Variants in ARHGAP15 observed in about 807,000 individuals in gnomAD.
ARHGAP15 encodes rho GTPase-activating protein 15.
In ARHGAP15, 51 loss-of-function variants were observed where a neutral mutation model predicts 63.7. The observed-to-expected ratio is 0.80, with a 90% CI of 0.64 to 1.01. The LOEUF (loss-of-function observed/expected upper bound fraction) is 1.01, where lower values mean the gene tolerates loss of function less well. Among genes scored for constraint, ARHGAP15 ranks in the 50% least tolerant of loss-of-function variants. ARHGAP15 has a pLI of 0.00. For synonymous variants in ARHGAP15, 191 were observed against 193.8 expected (o/e 0.99, Z 0.12); for missense variants, 560 against 564.6 (o/e 0.99, Z 0.08).
At chr2:143,315,880 T>G (rs939309029) in intron 6 of ARHGAP15, among the ~76,000 whole-genome samples, 5 of 139,304 alleles carry the variant, frequency 3.6e-5, no homozygotes, top group African/African-American at 1.6e-4. Flanking sequence ...AAGTCAGGAG[T>G]TCAAGATCAG....
chr2:143,299,479 T>C (rs2105146044), intron 6 of ARHGAP15, among the ~76,000 whole-genome samples: 1 of 152,134 alleles, frequency 6.6e-6, no homozygotes, highest in East Asian at 1.9e-4. Context: ...TATTACATTA[T>C]GTAATGTTAC....
At chr2:143,397,570 AAG>A (rs200248321) in intron 6 of ARHGAP15, among the ~76,000 whole-genome samples, 33,736 of 151,672 alleles carry the variant, frequency 0.22, 4,204 homozygotes, top group Admixed American at 0.34. Context: ...AAAAAAAACG[AAG>A]AAGAAATAAA....
intron 3 of ARHGAP15, among the ~76,000 whole-genome samples, chr2:143,214,058 A>G (rs570378804): frequency 6.6e-6 from 1 of 152,256 alleles, no homozygotes; most frequent in African/African-American, 2.4e-5. Flanking sequence ...TTCCTTTCAC[A>G]TTTCCTATCT....
chr2:143,665,826 A>G (rs1435005823), intron 12 of ARHGAP15, among the ~76,000 whole-genome samples: 1 of 150,866 alleles, frequency 6.6e-6, no homozygotes, highest in Non-Finnish European at 1.5e-5. Context: ...CAATTGCTTC[A>G]AAGAGAATAA....
intron 6 of ARHGAP15, among the ~76,000 whole-genome samples, chr2:143,404,409 T>C (rs1460752619): frequency 6.6e-6 from 1 of 151,908 alleles, no homozygotes; most frequent in African/African-American, 2.4e-5. Flanking sequence ...AATGAATAAA[T>C]TGACAGAAAC....
intron 6 of ARHGAP15, among the ~76,000 whole-genome samples, chr2:143,275,362 T>C (rs1355217243): frequency 1.3e-5 from 2 of 152,048 alleles, no homozygotes; most frequent in Non-Finnish European, 2.9e-5. Context: ...TAGCAAAAAA[T>C]GGAAATTAAC....
intron 6 of ARHGAP15, among the ~76,000 whole-genome samples, chr2:143,330,094 C>CAAAAAAAAAAAA (rs1303438123): frequency 3.6e-3 from 6 of 1,672 alleles, no homozygotes; most frequent in Non-Finnish European, 7.0e-3. Flanking sequence ...GGCTCTGTCT[C>CAAAAAAAAAAAA]AAAAAAAAAA....
chr2:143,623,809 A>G (rs776417828), intron 11 of ARHGAP15, among the ~76,000 whole-genome samples: 1 of 152,224 alleles, frequency 6.6e-6, no homozygotes, highest in Non-Finnish European at 1.5e-5. Context: ...AAAACCAAAT[A>G]GCTTTGAATC....
chr2:143,269,973 CT>C (rs919159547), intron 6 of ARHGAP15, among the ~76,000 whole-genome samples: 17 of 151,800 alleles, frequency 1.1e-4, no homozygotes, highest in African/African-American at 1.2e-4. Flanking sequence ...ATCTGTGTTA[CT>C]TTTTTTTGTT....
At chr2:143,145,471 G>A (rs1689544434) in intron 1 of ARHGAP15, among the ~76,000 whole-genome samples, 1 of 151,970 alleles carries the variant, frequency 6.6e-6, no homozygotes, top group Non-Finnish European at 1.5e-5. Flanking sequence ...GTGGATAATT[G>A]AGCTAGACCT....
intron 11 of ARHGAP15, among the ~76,000 whole-genome samples, chr2:143,566,241 G>C (rs1323215188): frequency 6.6e-6 from 1 of 152,200 alleles, no homozygotes; most frequent in Non-Finnish European, 1.5e-5. Flanking sequence ...ACCCACTGGA[G>C]AGGTGGTGGA....
At chr2:143,762,194 G>A (rs1156299421) in intron 13 of ARHGAP15, among the ~76,000 whole-genome samples, 1 of 152,096 alleles carries the variant, frequency 6.6e-6, no homozygotes, top group Non-Finnish European at 1.5e-5. Flanking sequence ...TTAATGATGA[G>A]TCAACATACA....
intron 11 of ARHGAP15, among the ~76,000 whole-genome samples, chr2:143,620,945 T>C (rs911167495): frequency 1.3e-5 from 2 of 152,202 alleles, no homozygotes; most frequent in African/African-American, 4.8e-5. Context: ...TAAGGAAATA[T>C]CAATATGTGT....
chr2:143,575,057 C>T (rs969467331), intron 11 of ARHGAP15, among the ~76,000 whole-genome samples: 2 of 152,026 alleles, frequency 1.3e-5, no homozygotes, highest in Non-Finnish European at 2.9e-5. Flanking sequence ...TGCTAATATC[C>T]GATCACTAAT....
At chr2:143,297,277 A>G (rs949065377) in intron 6 of ARHGAP15, among the ~76,000 whole-genome samples, 3 of 151,974 alleles carry the variant, frequency 2.0e-5, no homozygotes, top group Non-Finnish European at 2.9e-5. Context: ...GAAGCAATTG[A>G]TTGTACTATG....
rs978922901 is a variant in ARHGAP15 at position 143,223,852 on chromosome 2, C to T, written c.297-4729C>T. Among the ~76,000 whole-genome samples the T allele has an allele frequency of 1.2e-4, 19 of 152,286 alleles. No individual in the cohort carries two copies. In the South Asian group the frequency reaches 3.9e-3, roughly 32 times the overall value. ...ATCCCATCTCTATGGCTTGTTTTCC[C>T]TTGGTTAGGATGCAACCTTACTGGG... On this transcript the variant is annotated intron_variant, in intron 4 of 13. Coordinates refer to ENST00000295095, the MANE Select transcript of ARHGAP15 (RefSeq NM_018460.4).
At chr2:143,332,840 T>C (rs891390330) in intron 6 of ARHGAP15, among the ~76,000 whole-genome samples, 1 of 152,142 alleles carries the variant, frequency 6.6e-6, no homozygotes, top group Non-Finnish European at 1.5e-5. Context: ...AGAATAAGTG[T>C]CAAATATTAT....
intron 12 of ARHGAP15, among the ~76,000 whole-genome samples, chr2:143,684,798 A>G (rs1218308999): frequency 6.6e-6 from 1 of 152,194 alleles, no homozygotes; most frequent in African/African-American, 2.4e-5. Context: ...AAGGTGAGGT[A>G]AAAAGAAATA....
chr2:143,342,391 A>G lies in ARHGAP15; in HGVS notation c.474+91791A>G, dbSNP rs982530597. Reference sequence around the variant, plus strand: ...GAAAAAGAAGTGTCTCGAATAGGAAAGATGATTTACTTTTTGTGCTATTAA... The same window carrying G: ...GAAAAAGAAGTGTCTCGAATAGGAAGGATGATTTACTTTTTGTGCTATTAA... On this transcript the variant is annotated intron_variant, in intron 6 of 13. Transcript: ENST00000295095. Among the ~76,000 whole-genome samples the G allele has an allele frequency of 3.3e-5, 5 of 152,232 alleles. No individual in the cohort carries two copies. The East Asian group carries it at 9.6e-4, about 29-fold the overall frequency.
Sources: gnomAD v4.1 joint callset for allele counts (sites outside exome capture counted in the v4.1 genomes callset) on GRCh38, gnomAD v4.1.1 for gene constraint, MANE v1.5 for transcripts, NCBI Gene and HGNC (gene_info 2026-07-23, HGNC 2026-07-21) for gene names.